The following UNC13C variants were observed in gnomAD, a reference collection of about 807,000 sequenced individuals.
UNC13C encodes protein unc-13 homolog C.
In UNC13C, 174 loss-of-function variants were observed where a neutral mutation model predicts 245.4. The ratio of observed to expected loss-of-function variants is 0.71; its 90% CI spans 0.63 to 0.80. UNC13C has a LOEUF of 0.80. Among genes scored for constraint, UNC13C ranks in the 30% least tolerant of loss-of-function variants. UNC13C has a pLI of 0.00. For synonymous variants in UNC13C, 992 were observed against 895.1 expected, an observed-to-expected ratio of 1.11 and a Z score of -1.93; for missense variants, 2,829 against 2,602.9, an observed-to-expected ratio of 1.09 and a Z score of -1.89.
intron 13 of UNC13C, among the ~76,000 whole-genome samples, chr15:54,319,387 G>A (rs1255820051): frequency 6.7e-6 from 1 of 150,136 alleles, no homozygotes; most frequent in African/African-American, 2.4e-5. Flanking sequence ...AATATTGTTT[G>A]TGGATTCTTA....
At chr15:54,422,769 C>G (rs919264240) in intron 19 of UNC13C, among the ~76,000 whole-genome samples, 8 of 151,802 alleles carry the variant, frequency 5.3e-5, no homozygotes, top group Admixed American at 5.3e-4. Flanking sequence ...TCAGAACACT[C>G]CCACGCATCT....
At chr15:54,097,173 T>G (rs1434927688) in intron 2 of UNC13C, among the ~76,000 whole-genome samples, 2 of 152,324 alleles carry the variant, frequency 1.3e-5, no homozygotes, top group East Asian at 3.9e-4. Context: ...CCTTCAAATA[T>G]TTATGGAACA....
chr15:54,182,822 G>T (rs976656224), intron 4 of UNC13C, among the ~76,000 whole-genome samples: 1 of 151,896 alleles, frequency 6.6e-6, no homozygotes, highest in Non-Finnish European at 1.5e-5. Context: ...ACCAGAAAGA[G>T]AAAATATCTA....
chr15:54,219,071 C>T (rs1305021456), intron 4 of UNC13C, among the ~76,000 whole-genome samples: 1 of 151,922 alleles, frequency 6.6e-6, no homozygotes, highest in Non-Finnish European at 1.5e-5. Context: ...CTACCAATGA[C>T]TTTCTTCACA....
At chr15:54,209,013 T>C (rs1298834976) in intron 4 of UNC13C, among the ~76,000 whole-genome samples, 1 of 152,108 alleles carries the variant, frequency 6.6e-6, no homozygotes, top group African/African-American at 2.4e-5. Flanking sequence ...CACCTAAACT[T>C]TGACTGCCTT....
chr15:54,024,387 T>A (rs990052317), intron 2 of UNC13C, among the ~76,000 whole-genome samples: 4 of 152,060 alleles, frequency 2.6e-5, no homozygotes, highest in African/African-American at 9.7e-5. Context: ...GAGAAATGAG[T>A]ATCTGAAACA....
chr15:54,415,080 A>T lies in UNC13C; in HGVS notation c.4933+13A>T. The T allele has an allele frequency of 1.3e-6, 2 of 1,554,138 alleles. No homozygotes were observed. Among genetic ancestry groups the T allele is most frequent in the South Asian group, 1.2e-5 (1 of 86,750 alleles). On this transcript the variant is annotated intron_variant, in intron 19 of 32. Coordinates refer to ENST00000260323, the MANE Select transcript of UNC13C (RefSeq NM_001080534.3). Reference sequence around the variant, plus strand: ...TATGCATTAGAAGGTAATTATAAATATTTATACTTATTCGAATACATGTTA... The same window carrying T: ...TATGCATTAGAAGGTAATTATAAATTTTTATACTTATTCGAATACATGTTA...
At chr15:54,370,076 T>C (rs1431543299) in intron 17 of UNC13C, among the ~76,000 whole-genome samples, 1 of 152,176 alleles carries the variant, frequency 6.6e-6, no homozygotes, top group Non-Finnish European at 1.5e-5. Flanking sequence ...GTAGGACTGC[T>C]ATCGAGCCAA....
chr15:54,587,153 G>A (rs957780260), intron 30 of UNC13C, among the ~76,000 whole-genome samples: 2 of 152,050 alleles, frequency 1.3e-5, no homozygotes, highest in East Asian at 1.9e-4. Context: ...AAACTGTTGT[G>A]TCATGTTGAT....
At chr15:54,038,124 A>ATATATATTTTTTTTTTTTTTTTTT in intron 2 of UNC13C, among the ~76,000 whole-genome samples, 1 of 45,032 alleles carries the variant, frequency 2.2e-5, no homozygotes, top group East Asian at 1.1e-3. Context: ...ATATATATAT[A>ATATATATTTTTTTTTTTTTTTTTT]TTTTTTTTTT....
At chr15:54,082,565 C>T (rs1899006438) in intron 2 of UNC13C, among the ~76,000 whole-genome samples, 1 of 152,074 alleles carries the variant, frequency 6.6e-6, no homozygotes, top group South Asian at 2.1e-4. Flanking sequence ...AATTCTTTAT[C>T]TGTCATTTTA....
At chr15:54,095,761 T>C (rs970597590) in intron 2 of UNC13C, among the ~76,000 whole-genome samples, 1 of 152,232 alleles carries the variant, frequency 6.6e-6, no homozygotes, top group African/African-American at 2.4e-5. Context: ...AACAGTATTA[T>C]TCAACAAATT....
chr15:54,618,102 T>A (rs1285398834), intron 30 of UNC13C, among the ~76,000 whole-genome samples: 1 of 152,170 alleles, frequency 6.6e-6, no homozygotes, highest in Non-Finnish European at 1.5e-5. Context: ...GTTCATTCCC[T>A]CACATAGCAT....
intron 19 of UNC13C, among the ~76,000 whole-genome samples, chr15:54,460,707 G>A (rs970868213): frequency 1.3e-5 from 2 of 152,220 alleles, no homozygotes; most frequent in Non-Finnish European, 2.9e-5. Flanking sequence ...ATTTGCAGTA[G>A]CAAGCTGCTT....
chr15:54,494,806 G>A (rs1893879317), intron 20 of UNC13C, 72 bp downstream of exon 20: 4 of 1,528,440 alleles, frequency 2.6e-6, no homozygotes, highest in Non-Finnish European at 2.7e-6. Context: ...CCTGAATTGT[G>A]TACCACTAAA....
the UNC13C span, among the ~76,000 whole-genome samples, chr15:53,856,493 C>G: frequency 1.3e-5 from 2 of 151,904 alleles, no homozygotes; most frequent in African/African-American, 4.8e-5. Context: ...AGAATGTCAT[C>G]TTTTGTTCTC....
intron 2 of UNC13C, among the ~76,000 whole-genome samples, chr15:54,019,277 T>C (rs894136091): frequency 6.6e-6 from 1 of 152,190 alleles, no homozygotes; most frequent in Non-Finnish European, 1.5e-5. Flanking sequence ...TCAAAGGTTG[T>C]TTTTATTCAA....
chr15:54,237,593 A>G (rs2035736450), intron 6 of UNC13C, 26 bp from the exon 7 acceptor site: 2 of 1,591,030 alleles, frequency 1.3e-6, no homozygotes, highest in East Asian at 2.2e-5. Flanking sequence ...CTATGTATTA[A>G]TAAGTCATAA....
intron 12 of UNC13C, among the ~76,000 whole-genome samples, chr15:54,299,349 C>G (rs1366733331): frequency 2.0e-5 from 3 of 152,166 alleles, no homozygotes; most frequent in Non-Finnish European, 4.4e-5. Context: ...CTCCAACATT[C>G]ATTTTCAACC....
Sources: allele counts gnomAD v4.1 joint callset (sites outside exome capture counted in the v4.1 genomes callset), GRCh38; gene constraint gnomAD v4.1.1; transcripts MANE v1.5; gene names NCBI Gene and HGNC (gene_info 2026-07-23, HGNC 2026-07-21).